RAC1: variants seen among roughly 807,000 people sequenced by gnomAD.
The protein encoded by RAC1 is Rac family small GTPase 1.
A neutral mutation model predicts 25.2 loss-of-function variants in RAC1; 2 were observed. The observed-to-expected ratio is 0.08, with a 90% confidence interval of 0.03 to 0.25. The LOEUF is 0.25. Ranked by LOEUF, RAC1 falls within the 10% of genes least tolerant of loss-of-function variation. RAC1 has a pLI of 1.00. For synonymous variants in RAC1, 88 were observed against 94.0 expected (o/e 0.94, Z 0.37); for missense variants, 50 against 235.7 (o/e 0.21, Z 5.16).
At position 6,403,491 on chromosome 7, in the gene RAC1, G is replaced by T; in HGVS notation, c.*1045G>T. 9.1e-6 allele frequency: 2 copies of T among 219,118 alleles called. No individual in the cohort carries two copies. Among genetic ancestry groups the T allele is most frequent in the Non-Finnish European group, 1.8e-5 (2 of 108,960 alleles). The allele number at this position is 219,118 out of a possible 1,614,324, so 13.6% of individuals were successfully genotyped here. A position where few individuals can be genotyped will look rare whatever the true frequency, so the allele number is the denominator to read the frequency against. ...TGATAATGCATTAGAAGGTTTTTTT[G>T]TCGATTAGTAAAAGTGCTTTCCATG... On this transcript the variant is annotated 3_prime_UTR_variant, in exon 6 of 6. Coordinates refer to ENST00000348035, the MANE Select transcript of RAC1 (RefSeq NM_006908.5).
chr7:6,395,726 C>T (rs1303495914), intron 3 of RAC1, among the ~76,000 whole-genome samples: 2 of 152,028 alleles, frequency 1.3e-5, no homozygotes, highest in South Asian at 2.1e-4. Context: ...CTGCGAGTGC[C>T]AGGCTGGTTC....
intron 1 of RAC1, among the ~76,000 whole-genome samples, chr7:6,376,836 A>G (rs1303133333): frequency 6.7e-6 from 1 of 150,284 alleles, no homozygotes; most frequent in African/African-American, 2.4e-5. Flanking sequence ...AAAATTTCTA[A>G]AACTAAAACA....
At position 6,402,724 on chromosome 7, in the gene RAC1, C is replaced by T. The variant is rs906050171; in HGVS notation, c.*278C>T. ...TTCTTAAAGCCTTATTTTTCAAAAG[C>T]GCCCCCCCCATTCTTGTTCAGATTA... is the stretch of plus-strand genomic sequence containing the variant. On this transcript the variant is annotated 3_prime_UTR_variant, in exon 6 of 6. Transcript: ENST00000348035. 1 of 288,334 alleles carries T rather than the reference C, an allele frequency of 3.5e-6. No individual in the cohort carries two copies. The highest frequency in any genetic ancestry group is 6.5e-6 in the Non-Finnish European group (1 of 154,920). 17.9% of individuals were successfully genotyped at this position (288,334 alleles called of 1,614,324 possible).
intron 1 of RAC1, among the ~76,000 whole-genome samples, chr7:6,381,017 C>A (rs562669863): frequency 1.3e-5 from 2 of 151,772 alleles, no homozygotes; most frequent in Non-Finnish European, 2.9e-5. Flanking sequence ...TACAGGCACC[C>A]ACCACCATGC....
intron 1 of RAC1, among the ~76,000 whole-genome samples, chr7:6,385,779 G>A (rs1413482007): frequency 2.0e-5 from 3 of 152,182 alleles, no homozygotes; most frequent in African/African-American, 7.2e-5. Flanking sequence ...ATTTATAGTA[G>A]TTGAGATTGA....
chr7:6,395,904 G>A (rs563475101), intron 3 of RAC1, among the ~76,000 whole-genome samples: 1 of 152,308 alleles, frequency 6.6e-6, no homozygotes, highest in Non-Finnish European at 1.5e-5. Flanking sequence ...TTTTTGTAGT[G>A]AGATCTCAGC....
At position 6,395,017 on chromosome 7, in the gene RAC1, A is replaced by G. The variant is rs993700473; in HGVS notation, c.225+2976A>G. Among the ~76,000 whole-genome samples the G allele has an allele frequency of 1.0e-3, 158 of 152,054 alleles. 1 individual carries two copies. Among genetic ancestry groups the G allele is most frequent in the African/African-American group, 3.6e-3 (148 of 41,466 alleles). Reference sequence around the variant, plus strand: ...CTACAGGCGCCCGCCACCACACCTGACTAATTTTTTATATTTTTAGTAGAG... The same window carrying G: ...CTACAGGCGCCCGCCACCACACCTGGCTAATTTTTTATATTTTTAGTAGAG... On this transcript the variant is annotated intron_variant, in intron 3 of 5. Coordinates refer to ENST00000348035, the MANE Select transcript of RAC1 (RefSeq NM_006908.5).
At chr7:6,401,362 T>C (rs1783395164) in intron 4 of RAC1, among the ~76,000 whole-genome samples, 1 of 152,182 alleles carries the variant, frequency 6.6e-6, no homozygotes, top group Non-Finnish European at 1.5e-5. Context: ...CGACCATTTC[T>C]TTCTACTCCA....
intron 1 of RAC1, among the ~76,000 whole-genome samples, chr7:6,386,711 G>T (rs1392487361): frequency 6.0e-5 from 9 of 151,116 alleles, no homozygotes; most frequent in African/African-American, 2.2e-4. Flanking sequence ...TTGAACCTGG[G>T]AGGCAGAGGT....
intron 2 of RAC1, among the ~76,000 whole-genome samples, chr7:6,389,513 C>G (rs1369979437): frequency 6.6e-6 from 1 of 151,844 alleles, no homozygotes; most frequent in Non-Finnish European, 1.5e-5. Flanking sequence ...AACCCTGTCT[C>G]TACTAAAAAT....
chr7:6,392,441 C>T (rs1783114596), intron 3 of RAC1, among the ~76,000 whole-genome samples: 2 of 152,206 alleles, frequency 1.3e-5, no homozygotes, highest in Non-Finnish European at 2.9e-5. Flanking sequence ...ACTAATCTCA[C>T]AGGTTTAATA....
chr7:6,390,088 C>G (rs1439920284), intron 2 of RAC1, among the ~76,000 whole-genome samples: 1 of 108,786 alleles, frequency 9.2e-6, no homozygotes, highest in Non-Finnish European at 1.8e-5. Context: ...TGCTCCCTCC[C>G]TCCCTCCCTT....
chr7:6,388,581 T>C (rs1313134035), intron 2 of RAC1, among the ~76,000 whole-genome samples: 1 of 151,868 alleles, frequency 6.6e-6, no homozygotes, highest in Admixed American at 6.6e-5. Flanking sequence ...TGACCTCAGG[T>C]GATCTGCCCA....
At chr7:6,401,604 C>CCT in intron 4 of RAC1, 1 of 276,356 alleles carries the variant, frequency 3.6e-6, no homozygotes, top group Non-Finnish European at 6.8e-6. Context: ...CCCTTCCCCC[C>CCT]TTCCCCTGCG....
chr7:6,398,601 T>C (rs1321191855), intron 3 of RAC1: 4 of 1,394,430 alleles, frequency 2.9e-6, no homozygotes, highest in East Asian at 2.3e-5. Context: ...TAAGAGGTTA[T>C]ATTGATTTTT....
chr7:6,380,378 ATG>A (rs3838699), intron 1 of RAC1, among the ~76,000 whole-genome samples: 78,684 of 151,256 alleles, frequency 0.52, 22,533 homozygotes, highest in African/African-American at 0.78. Context: ...ATTATACATA[ATG>A]TGTGTGTGTG....
At chr7:6,391,296 A>C (rs543558321) in intron 2 of RAC1, among the ~76,000 whole-genome samples, 9 of 151,406 alleles carry the variant, frequency 5.9e-5, no homozygotes, top group Non-Finnish European at 1.0e-4. Flanking sequence ...TCTGCTGACC[A>C]GTAGCAATTT....
intron 1 of RAC1, among the ~76,000 whole-genome samples, chr7:6,385,193 T>C (rs557955514): frequency 6.6e-6 from 1 of 152,350 alleles, no homozygotes; most frequent in African/African-American, 2.4e-5. Context: ...ATCACACGCA[T>C]AATTTCATGT....
At chr7:6,389,765 G>T (rs571155031) in intron 2 of RAC1, among the ~76,000 whole-genome samples, 2 of 152,196 alleles carry the variant, frequency 1.3e-5, no homozygotes, top group East Asian at 3.9e-4. Flanking sequence ...GGCCTCAGGT[G>T]ATTCTCCACC....
Sources: gnomAD v4.1 joint callset for allele counts (sites outside exome capture counted in the v4.1 genomes callset) on GRCh38, gnomAD v4.1.1 for gene constraint, MANE v1.5 for transcripts, NCBI Gene and HGNC (gene_info 2026-07-23, HGNC 2026-07-21) for gene names.